The following MITF variants were observed in gnomAD, a reference collection of about 807,000 sequenced individuals.
MITF encodes the protein melanocyte inducing transcription factor, also known as microphthalmia-associated transcription factor.
Under a neutral mutation model 60.5 loss-of-function variants are expected in MITF, and 17 were observed. That is an observed-to-expected ratio of 0.28 (90% CI 0.19 to 0.42). MITF has a LOEUF of 0.42. Among genes scored for constraint, MITF ranks in the 10% least tolerant of loss-of-function variants. The pLI, the probability that MITF is intolerant of heterozygous loss-of-function variation, is 1.00. For missense variants in MITF, 622 were observed against 683.5 expected, an observed-to-expected ratio of 0.91 and a Z score of 1.00; for synonymous variants, 260 against 248.5, an observed-to-expected ratio of 1.05 and a Z score of -0.43.
At chr3:69,881,567 A>G (rs2107286451) in intron 2 of MITF, among the ~76,000 whole-genome samples, 1 of 152,150 alleles carries the variant, frequency 6.6e-6, no homozygotes, top group South Asian at 2.1e-4. Flanking sequence ...CTTCATAAAT[A>G]TAGTTGGCTT....
chr3:69,794,724 T>C (rs978134759), intron 1 of MITF, among the ~76,000 whole-genome samples: 1 of 152,244 alleles, frequency 6.6e-6, no homozygotes, highest in Non-Finnish European at 1.5e-5. Context: ...AATTAGGACA[T>C]TTCCAGCACA....
chr3:69,822,967 C>G (rs928798059), intron 1 of MITF, among the ~76,000 whole-genome samples: 3 of 151,204 alleles, frequency 2.0e-5, no homozygotes, highest in Non-Finnish European at 4.4e-5. Flanking sequence ...GGTGCAATCT[C>G]GGCTCACTGC....
At chr3:69,959,477 A>AAAC in intron 9 of MITF, 57 bp downstream of exon 9, 2 of 1,602,136 alleles carry the variant, frequency 1.2e-6, no homozygotes, top group Non-Finnish European at 1.7e-6. Flanking sequence ...AAGACAGTAG[A>AAAC]AACAGGGATA....
intron 1 of MITF, among the ~76,000 whole-genome samples, chr3:69,876,971 A>G (rs74811038): frequency 0.018 from 2,717 of 152,288 alleles, 37 homozygotes; most frequent in Middle Eastern, 0.051. Context: ...CTGTAGTTCT[A>G]TTCTCACCCT....
chr3:69,884,846 G>A (rs2064572966), intron 2 of MITF, among the ~76,000 whole-genome samples: 1 of 151,972 alleles, frequency 6.6e-6, no homozygotes, highest in South Asian at 2.1e-4. Flanking sequence ...TAAATTTTTA[G>A]GTTTTATCTA....
At chr3:69,761,339 A>G (rs958817701) in intron 1 of MITF, among the ~76,000 whole-genome samples, 4 of 152,188 alleles carry the variant, frequency 2.6e-5, no homozygotes, top group South Asian at 2.1e-4. Flanking sequence ...GGTAGATAGG[A>G]TCCCATTTTA....
At chr3:69,789,396 G>A (rs1293285227) in intron 1 of MITF, among the ~76,000 whole-genome samples, 3 of 152,110 alleles carry the variant, frequency 2.0e-5, no homozygotes, top group African/African-American at 7.2e-5. Context: ...AGTGCTCAAT[G>A]TCACTCATCA....
intron 5 of MITF, among the ~76,000 whole-genome samples, chr3:69,945,740 T>A (rs1035709630): frequency 2.6e-5 from 4 of 152,188 alleles, no homozygotes; most frequent in Admixed American, 6.5e-5. Context: ...CATTTTAGGA[T>A]GCTTAACAGC....
intron 6 of MITF, 89 bp from the exon 7 acceptor site, chr3:69,951,723 G>A (rs766438707): frequency 4.2e-5 from 40 of 958,598 alleles, no homozygotes; most frequent in South Asian, 2.7e-4. Context: ...ATAAGCTTCT[G>A]TATGTTTGGG....
At chr3:69,892,975 C>T (rs562917042) in intron 2 of MITF, among the ~76,000 whole-genome samples, 5 of 152,326 alleles carry the variant, frequency 3.3e-5, no homozygotes, top group Non-Finnish European at 4.4e-5. Flanking sequence ...ATAAAACAAA[C>T]GGTCATTTTA....
At chr3:69,777,293 A>G (rs1474214368) in intron 1 of MITF, among the ~76,000 whole-genome samples, 1 of 152,226 alleles carries the variant, frequency 6.6e-6, no homozygotes, top group African/African-American at 2.4e-5. Context: ...TTTCAATGTT[A>G]TATCTTGTTT....
intron 2 of MITF, among the ~76,000 whole-genome samples, chr3:69,921,194 A>G (rs567011193): frequency 3.3e-5 from 5 of 152,164 alleles, no homozygotes; most frequent in South Asian, 4.2e-4. Flanking sequence ...TATCATGGAG[A>G]ATTTGGGAGA....
At chr3:69,908,082 G>A (rs1559712303) in intron 2 of MITF, among the ~76,000 whole-genome samples, 1 of 151,986 alleles carries the variant, frequency 6.6e-6, no homozygotes. Context: ...AAACCTTATG[G>A]GGCTTTTGCC....
intron 5 of MITF, among the ~76,000 whole-genome samples, chr3:69,947,117 A>G (rs2066116632): frequency 2.0e-5 from 3 of 152,228 alleles, no homozygotes; most frequent in Admixed American, 1.3e-4. Flanking sequence ...ACAAATCATC[A>G]TAATAACACA....
chr3:69,821,855 G>A (rs1291465301), intron 1 of MITF, among the ~76,000 whole-genome samples: 6 of 152,132 alleles, frequency 3.9e-5, no homozygotes, highest in African/African-American at 1.4e-4. Flanking sequence ...GGGTTCTTGT[G>A]CCTCAGCCTC....
intron 1 of MITF, among the ~76,000 whole-genome samples, chr3:69,772,370 A>G (rs79467431): frequency 1.3e-5 from 2 of 152,208 alleles, no homozygotes; most frequent in East Asian, 3.8e-4. Context: ...TTCAGGCCTA[A>G]TGGCAAATGT....
At chr3:69,880,611 T>C (rs934252159) in intron 2 of MITF, among the ~76,000 whole-genome samples, 7 of 152,044 alleles carry the variant, frequency 4.6e-5, no homozygotes, top group Non-Finnish European at 1.0e-4. Context: ...TAACTCAAGG[T>C]TTTCTCTCTG....
At chr3:69,837,104 A>G (rs1317240152) in intron 1 of MITF, among the ~76,000 whole-genome samples, 3 of 152,104 alleles carry the variant, frequency 2.0e-5, no homozygotes, top group South Asian at 2.1e-4. Context: ...GCTTCACACT[A>G]TTTGTCCCAG....
At chr3:69,748,806 A>G (rs1175233614) in intron 1 of MITF, among the ~76,000 whole-genome samples, 2 of 152,092 alleles carry the variant, frequency 1.3e-5, no homozygotes, top group African/African-American at 4.8e-5. Context: ...GGTTGTCCCC[A>G]CTGTTGGGAG....
Sources: allele counts gnomAD v4.1 joint callset (sites outside exome capture counted in the v4.1 genomes callset), GRCh38; gene constraint gnomAD v4.1.1; transcripts MANE v1.5; gene names NCBI Gene and HGNC (gene_info 2026-07-23, HGNC 2026-07-21).